PNRC1: variants seen among roughly 807,000 people sequenced by gnomAD.
PNRC1 encodes proline rich nuclear receptor coactivator 1.
In PNRC1, 6 loss-of-function variants were observed where a neutral mutation model predicts 20.2. The observed-to-expected ratio is 0.30, with a 90% CI of 0.16 to 0.59. The LOEUF (loss-of-function observed/expected upper bound fraction) is 0.59. PNRC1 is among the 20% of genes least tolerant of loss of function. The pLI is 0.89. For synonymous variants in PNRC1, 202 were observed against 186.9 expected, an observed-to-expected ratio of 1.08 and a Z score of -0.66; for missense variants, 488 against 430.2, an observed-to-expected ratio of 1.13 and a Z score of -1.19.
At position 89,083,858 on chromosome 6, in the gene PNRC1, A is replaced by G. The variant is rs1226228262; in HGVS notation, c.646A>G (p.Ser216Gly). Residue 216 changes from serine (S) to glycine (G), a missense_variant, in exon 2 of 2, where the codon AGC (serine) becomes GGC (glycine). Transcript: ENST00000336032. ...YEQPKINRQK[S>G]KYNLPLTKIT... is the part of the protein sequence containing the mutation. The stretch of plus-strand genomic sequence containing the variant: ...GCAACCAAAGATAAACAGACAGAAA[A>G]GCAAATATAACTTGCCACTAACCAA... 3.1e-6 allele frequency: 5 copies of G among 1,614,194 alleles called. 1 individual carries two copies. The South Asian group carries it at 5.5e-5, about 18-fold the overall frequency.
chr6:89,081,369 G>A lies in PNRC1; in HGVS notation c.475G>A (p.Gly159Arg), dbSNP rs1289487702. Residue 159 changes from glycine to arginine, a missense_variant, in exon 1 of 2, where the codon GGA becomes AGA. Coordinates refer to ENST00000336032, the MANE Select transcript of PNRC1 (RefSeq NM_006813.3). ...TCCTGCAGCCGCAGCCGGCACGGAG[G>A]GAGCCAGCCCCGACCTTGCCCCGCT... ...PSPAAAAGTE[G>R]ASPDLAPLRP... 1.5e-5 allele frequency: 21 copies of A among 1,432,038 alleles called. No homozygotes were observed. Among genetic ancestry groups the A allele is most frequent in the South Asian group, 4.3e-5 (3 of 69,678 alleles). The allele number at this position is 1,432,038 out of a possible 1,614,324, so 88.7% of individuals were successfully genotyped here.
rs761772180 is a variant in PNRC1, at chr6:89,080,956, T to C, written c.62T>C (p.Leu21Pro). The C allele has an allele frequency of 2.5e-5, 40 of 1,613,234 alleles. No homozygotes were observed. In the South Asian group the frequency reaches 3.1e-4, roughly 12 times the overall value. Reference protein sequence around the residue: ...PLVLGGRLAPLGFSSRGYFGA... With the variant: ...PLVLGGRLAPPGFSSRGYFGA... ...GTCCTGGGTGGCCGCCTTGCGCCGC[T>C]TGGCTTTTCCTCCCGAGGTTACTTT... Residue 21 changes from leucine to proline, a missense_variant, in exon 1 of 2, where the codon CTT becomes CCT. Transcript: ENST00000336032.
Position 89,080,800 on chromosome 6 carries a change from C to A in PNRC1, c.-95C>A. The A allele has an allele frequency of 8.2e-7, 1 of 1,217,386 alleles. No homozygotes were observed. Among genetic ancestry groups the A allele is most frequent in the Non-Finnish European group, 1.2e-6 (1 of 842,864 alleles). 75.4% of individuals were successfully genotyped at this position (1,217,386 alleles called of 1,614,324 possible). A position where few individuals can be genotyped will look rare whatever the true frequency, so the allele number is the denominator to read the frequency against. On this transcript the variant is annotated 5_prime_UTR_variant, in exon 1 of 2. Coordinates refer to ENST00000336032, the MANE Select transcript of PNRC1 (RefSeq NM_006813.3). Reference sequence around the variant, plus strand: ...TCATGTTCCGCGATCTTCTCAGGCTCTCCTAGCAGCATCCATCGCCGCCAC... The same window carrying A: ...TCATGTTCCGCGATCTTCTCAGGCTATCCTAGCAGCATCCATCGCCGCCAC...
At chr6:89,083,714 C>G (rs1582238036) in intron 1 of PNRC1, 39 bp from the exon 2 acceptor site, 3 of 1,450,798 alleles carry the variant, frequency 2.1e-6, no homozygotes, top group Non-Finnish European at 2.8e-6. Context: ...TGATTTTTAT[C>G]TAGAAACTAT....
intron 1 of PNRC1, among the ~76,000 whole-genome samples, chr6:89,083,002 G>GTTTTTTTTT (rs5878087): frequency 6.7e-6 from 1 of 150,102 alleles, no homozygotes; most frequent in Non-Finnish European, 1.5e-5. Context: ...TAAGTTTTTT[G>GTTTTTTTTT]TTGTTTTTTT....
rs948538404 is a variant in PNRC1 at position 89,084,852 on chromosome 6, TTGTGTG to T, written c.*659_*664del. The T allele has an allele frequency of 1.3e-5, 2 of 152,174 alleles. No individual in the cohort carries two copies. Among genetic ancestry groups the T allele is most frequent in the Non-Finnish European group, 2.9e-5 (2 of 68,026 alleles). The allele number at this position is 152,174 out of a possible 1,614,324, so 9.4% of individuals were successfully genotyped here. ...CCCCTTTTAAAATAGTCTTGACTCTTTGTGTGTGACTGTTTCTCATGTTTGAATGTG... is the reference window on the plus strand; with the variant it reads ...CCCCTTTTAAAATAGTCTTGACTCTTTGACTGTTTCTCATGTTTGAATGTG... On this transcript the variant is annotated 3_prime_UTR_variant, in exon 2 of 2. Coordinates refer to ENST00000336032, the MANE Select transcript of PNRC1 (RefSeq NM_006813.3).
rs887369238 is a variant in PNRC1, at chr6:89,081,409, C to A, written c.515C>A (p.Pro172His). ...PDLAPLRPAA[P>H]GQTPLRKEVL... The stretch of plus-strand genomic sequence containing the variant: ...CTTGCCCCGCTGCGGCCCGCGGCTC[C>A]CGGCCAAACCCCCCTCAGGAAAGAG... The change falls in exon 1 of 2, where the codon CCC (proline) becomes CAC (histidine). Residue 172 changes from proline (P) to histidine (H), a missense_variant. Physicochemically the swap from Pro to His is moderately conservative, Grantham distance 77. Coordinates refer to ENST00000336032, the MANE Select transcript of PNRC1 (RefSeq NM_006813.3). 2.2e-6 allele frequency: 3 copies of A among 1,340,330 alleles called. No homozygotes were observed. The highest frequency in any genetic ancestry group is 4.1e-5 in the Admixed American group (1 of 24,250). The allele number at this position is 1,340,330 out of a possible 1,614,324, so 83.0% of individuals were successfully genotyped here.
In PNRC1 at chr6:89,084,978, T is replaced by G. The variant is rs1241647292; in HGVS notation, c.*782T>G. The G allele has an allele frequency of 6.6e-6, 1 of 152,226 alleles. No homozygotes were observed. The highest frequency in any genetic ancestry group is 1.5e-5 in the Non-Finnish European group (1 of 68,072). The allele number at this position is 152,226 out of a possible 1,614,324, so 9.4% of individuals were successfully genotyped here. On this transcript the variant is annotated 3_prime_UTR_variant, in exon 2 of 2. Coordinates refer to ENST00000336032, the MANE Select transcript of PNRC1 (RefSeq NM_006813.3). ...ATGCCTGGCCATAATCTACATTTTC[T>G]TACCAGGAGCAGCATTGAGGTTTTT...
rs142598704 is a variant in PNRC1 at position 89,083,980 on chromosome 6, C to T, written c.768C>T (p.Thr256=). The change falls in exon 2 of 2, where the codon ACC becomes ACT. Residue 256 remains threonine (T), a synonymous_variant. Transcript: ENST00000336032. ...AGGAAAAAAAGCCTTTTAAAAATACCGAGAACATTAAAAATTCGCATTTGA... is the reference window on the plus strand; with the variant it reads ...AGGAAAAAAAGCCTTTTAAAAATACTGAGAACATTAAAAATTCGCATTTGA... ...QKQEKKPFKN[T]ENIKNSHLKK... 1.2e-5 allele frequency: 19 copies of T among 1,613,674 alleles called. No homozygotes were observed. The highest frequency in any genetic ancestry group is 1.5e-5 in the Non-Finnish European group (18 of 1,179,930).
rs1210410991 is a variant in PNRC1, at chr6:89,083,778, C to T, written c.566C>T (p.Ser189Leu). 1 of 1,579,522 alleles carries T rather than the reference C, an allele frequency of 6.3e-7. No homozygotes were observed. Among genetic ancestry groups the T allele is most frequent in the African/African-American group, 1.4e-5 (1 of 72,766 alleles). The part of the protein sequence containing the change: ...KEVLKSKMGK[S>L]EKIALPHGQL... ...GTTTTAAAATCAAAGATGGGAAAAT[C>T]GGAGAAAATTGCCCTTCCCCATGGC... is the stretch of plus-strand genomic sequence containing the variant. Residue 189 changes from serine (S) to leucine (L), a missense_variant, in exon 2 of 2, where the codon TCG becomes TTG. By Grantham distance (145) the Ser-to-Leu change is moderately radical. Transcript: ENST00000336032.
chr6:89,080,820 C>G lies in PNRC1; in HGVS notation c.-75C>G. 2.1e-6 allele frequency: 3 copies of G among 1,447,884 alleles called. No individual in the cohort carries two copies. The highest frequency in any genetic ancestry group is 2.8e-6 in the Non-Finnish European group (3 of 1,052,750). The allele number at this position is 1,447,884 out of a possible 1,614,324, so 89.7% of individuals were successfully genotyped here. A position where few individuals can be genotyped will look rare whatever the true frequency, so the allele number is the denominator to read the frequency against. ...AGGCTCTCCTAGCAGCATCCATCGC[C>G]GCCACCCTATCTTCACTGGCTTCAT... On this transcript the variant is annotated 5_prime_UTR_variant, in exon 1 of 2. Coordinates refer to ENST00000336032, the MANE Select transcript of PNRC1 (RefSeq NM_006813.3).
intron 1 of PNRC1, chr6:89,082,325 C>G (rs1768020662): frequency 6.6e-6 from 1 of 152,178 alleles, no homozygotes; most frequent in Non-Finnish European, 1.5e-5. Context: ...AGTTCAATGA[C>G]TTAATCTTCG....
intron 1 of PNRC1, 65 bp downstream of exon 1, chr6:89,081,499 T>G: frequency 2.4e-6 from 1 of 422,118 alleles, no homozygotes; most frequent in Non-Finnish European, 3.0e-6. Flanking sequence ...GCTCTGGGGC[T>G]GCAGACCCTG....
intron 1 of PNRC1, chr6:89,082,674 C>T (rs1449464907): frequency 6.6e-6 from 1 of 152,116 alleles, no homozygotes; most frequent in African/African-American, 2.4e-5. Context: ...AGTGGATTAC[C>T]TTACGCTTTT....
At chr6:89,082,657 G>T (rs891037751) in intron 1 of PNRC1, 6 of 152,208 alleles carry the variant, frequency 3.9e-5, no homozygotes, top group Admixed American at 1.3e-4. Flanking sequence ...TGGTAGTGCA[G>T]TGATCTAGTG....
At position 89,081,051 on chromosome 6, in the gene PNRC1, C is replaced by T. The variant is rs752226092; in HGVS notation, c.157C>T (p.Pro53Ser). 2 of 1,611,160 alleles carry T rather than the reference C, an allele frequency of 1.2e-6. No individual in the cohort carries two copies. Among genetic ancestry groups the T allele is most frequent in the East Asian group, 2.2e-5 (1 of 44,842 alleles). ...PRIPDPRALPPTLFLPHFLGG... is the reference protein window; with the variant it reads ...PRIPDPRALPSTLFLPHFLGG... ...GATCCCGGACCCCCGGGCACTGCCC[C>T]CGACCCTCTTCCTCCCTCATTTCCT... The change falls in exon 1 of 2, where the codon CCG becomes TCG. Residue 53 changes from proline (P) to serine (S), a missense_variant. Coordinates refer to ENST00000336032, the MANE Select transcript of PNRC1 (RefSeq NM_006813.3).
In PNRC1 at chr6:89,081,057, C is replaced by G. The variant is rs757768258; in HGVS notation, c.163C>G (p.Leu55Val). ...IPDPRALPPT[L>V]FLPHFLGGDG... ...GGACCCCCGGGCACTGCCCCCGACCCTCTTCCTCCCTCATTTCCTAGGGGG... is the reference window on the plus strand; with the variant it reads ...GGACCCCCGGGCACTGCCCCCGACCGTCTTCCTCCCTCATTTCCTAGGGGG... The change falls in exon 1 of 2, where the codon CTC becomes GTC. Residue 55 changes from leucine to valine, a missense_variant. Physicochemically the swap from Leu to Val is conservative, Grantham distance 32. Coordinates refer to ENST00000336032, the MANE Select transcript of PNRC1 (RefSeq NM_006813.3). The G allele has an allele frequency of 7.5e-6, 12 of 1,610,668 alleles. No homozygotes were observed. The highest frequency in any genetic ancestry group is 9.3e-6 in the Non-Finnish European group (11 of 1,179,784).
In PNRC1 at chr6:89,083,828, T is replaced by C. The variant is rs767930739; in HGVS notation, c.616T>C (p.Tyr206His). 1 of 1,614,038 alleles carries C rather than the reference T, an allele frequency of 6.2e-7. No individual in the cohort carries two copies. Among genetic ancestry groups the C allele is most frequent in the Admixed American group, 1.7e-5 (1 of 60,008 alleles). ...HGQLVHGIHL[Y>H]EQPKINRQKS... Reference sequence around the variant, plus strand: ...CCAGCTTGTTCATGGTATACACTTGTATGAGCAACCAAAGATAAACAGACA... The same window carrying C: ...CCAGCTTGTTCATGGTATACACTTGCATGAGCAACCAAAGATAAACAGACA... The change falls in exon 2 of 2, where the codon TAT becomes CAT. Residue 206 changes from tyrosine (Y) to histidine (H), a missense_variant. Transcript: ENST00000336032.
At position 89,080,776 on chromosome 6, in the gene PNRC1, C is replaced by A; in HGVS notation, c.-119C>A. The A allele has an allele frequency of 2.1e-6, 2 of 956,022 alleles. No individual in the cohort carries two copies. The highest frequency in any genetic ancestry group is 1.4e-5 in the South Asian group (1 of 72,194). 59.2% of individuals were successfully genotyped at this position (956,022 alleles called of 1,614,324 possible). ...GTTGCTGCGCCGCCACCGCCCGAGT[C>A]ATGTTCCGCGATCTTCTCAGGCTCT... On this transcript the variant is annotated 5_prime_UTR_variant, in exon 1 of 2. Transcript: ENST00000336032.
Sources: gnomAD v4.1 joint callset for allele counts (sites outside exome capture counted in the v4.1 genomes callset) on GRCh38, gnomAD v4.1.1 for gene constraint, MANE v1.5 for transcripts, NCBI Gene and HGNC (gene_info 2026-07-23, HGNC 2026-07-21) for gene names.